ACYP2: variants seen among roughly 807,000 people sequenced by gnomAD.
ACYP2 encodes the protein acylphosphatase 2, also known as acylphosphatase-2.
Under a neutral mutation model 11.2 loss-of-function variants are expected in ACYP2, and 12 were observed. The ratio of observed to expected loss-of-function variants is 1.08; its 90% CI spans 0.69 to 1.74. The LOEUF is 1.74. Among genes scored for constraint, ACYP2 ranks in the 40% most tolerant of loss-of-function variants. ACYP2 has a pLI of 0.00. For missense variants in ACYP2, 134 were observed against 101.9 expected (o/e 1.31, Z -1.35); for synonymous variants, 43 against 32.2 (o/e 1.33, Z -1.13).
intron 4 of ACYP2, among the ~76,000 whole-genome samples, chr2:54,096,117 G>A (rs1436057414): frequency 7.0e-6 from 1 of 143,812 alleles, no homozygotes; most frequent in African/African-American, 2.6e-5. Context: ...CTTCCCAGAC[G>A]GGGTGGCTGC....
At chr2:54,296,603 TC>T (rs1689533840) in intron 6 of ACYP2, among the ~76,000 whole-genome samples, 1 of 152,224 alleles carries the variant, frequency 6.6e-6, no homozygotes, top group African/African-American at 2.4e-5. Context: ...ATGATCCTCA[TC>T]AAACATATAA....
intron 6 of ACYP2, among the ~76,000 whole-genome samples, chr2:54,236,339 G>T (rs1157855755): frequency 6.6e-6 from 1 of 152,074 alleles, no homozygotes; most frequent in Non-Finnish European, 1.5e-5. Flanking sequence ...ATATGAATTT[G>T]GGGGCCATAA....
intron 6 of ACYP2, among the ~76,000 whole-genome samples, chr2:54,257,996 C>T (rs1687629185): frequency 6.6e-6 from 1 of 152,160 alleles, no homozygotes; most frequent in Non-Finnish European, 1.5e-5. Flanking sequence ...AAACATTCAA[C>T]AAATATTTAT....
At chr2:54,172,714 A>G (rs1683269221) in intron 6 of ACYP2, among the ~76,000 whole-genome samples, 1 of 152,148 alleles carries the variant, frequency 6.6e-6, no homozygotes, top group Non-Finnish European at 1.5e-5. Flanking sequence ...ACCCACTGAC[A>G]GGCCCCTGTG....
chr2:54,028,996 A>T (rs1457120515), intron 2 of ACYP2, among the ~76,000 whole-genome samples: 1 of 152,136 alleles, frequency 6.6e-6, no homozygotes, highest in Non-Finnish European at 1.5e-5. Flanking sequence ...CATCTCTACA[A>T]AATATATATA....
At chr2:54,079,528 C>T (rs978732703) in intron 4 of ACYP2, among the ~76,000 whole-genome samples, 3 of 152,180 alleles carry the variant, frequency 2.0e-5, no homozygotes, top group Non-Finnish European at 4.4e-5. Context: ...TGCTACAGTT[C>T]CATGGAGGAA....
intron 6 of ACYP2, among the ~76,000 whole-genome samples, chr2:54,193,013 C>G (rs1684299915): frequency 6.6e-6 from 1 of 152,152 alleles, no homozygotes; most frequent in African/African-American, 2.4e-5. Context: ...CAGAGCCAAA[C>G]CATATCAGGC....
At chr2:54,170,570 T>G (rs867972901) in intron 6 of ACYP2, among the ~76,000 whole-genome samples, 1 of 130,970 alleles carries the variant, frequency 7.6e-6, no homozygotes, top group Admixed American at 7.5e-5. Context: ...AAACAGTTTT[T>G]TTTTTTTTTT....
chr2:54,119,696 A>G (rs912234978), intron 4 of ACYP2, among the ~76,000 whole-genome samples: 2 of 152,210 alleles, frequency 1.3e-5, no homozygotes, highest in Non-Finnish European at 2.9e-5. Flanking sequence ...ACCAAAAATG[A>G]TGTGTTGTTA....
intron 6 of ACYP2, among the ~76,000 whole-genome samples, chr2:54,241,114 C>G (rs767867230): frequency 1.6e-4 from 25 of 152,266 alleles, no homozygotes; most frequent in Middle Eastern, 3.4e-3. Context: ...AGCAAGGAGT[C>G]TCAGAGTAGA....
At chr2:54,271,031 A>G (rs1466248497) in intron 6 of ACYP2, among the ~76,000 whole-genome samples, 1 of 152,264 alleles carries the variant, frequency 6.6e-6, no homozygotes, top group Non-Finnish European at 1.5e-5. Context: ...CAGAGATGAT[A>G]AAAGTGAGAG....
intron 6 of ACYP2, among the ~76,000 whole-genome samples, chr2:54,276,709 C>T (rs1688608486): frequency 6.6e-6 from 1 of 150,488 alleles, no homozygotes; most frequent in Admixed American, 6.6e-5. Flanking sequence ...TTTCTCAAAC[C>T]CTTTCATAAT....
intron 6 of ACYP2, among the ~76,000 whole-genome samples, chr2:54,168,271 A>T (rs980650038): frequency 2.0e-5 from 3 of 151,992 alleles, no homozygotes; most frequent in Admixed American, 6.6e-5. Context: ...CTAAAAAAAT[A>T]AAAAAATCAC....
At position 54,033,293 on chromosome 2, in the gene ACYP2, G is replaced by C. The variant is rs201133816; in HGVS notation, c.63-17665G>C. ...GCTCACTGCAGCCTTGACCTCCCAG[G>C]CATGAGCTATCTTCCGACCTCACCC... On this transcript the variant is annotated intron_variant, in intron 2 of 6. Transcript: ENST00000607452. 2.6e-5 allele frequency among the ~76,000 whole-genome samples: 4 copies of C among 151,742 alleles called. No individual in the cohort carries two copies. The East Asian group carries it at 7.8e-4, about 29-fold the overall frequency.
intron 4 of ACYP2, among the ~76,000 whole-genome samples, chr2:54,133,286 G>T (rs924283457): frequency 6.6e-6 from 1 of 152,194 alleles, no homozygotes; most frequent in Non-Finnish European, 1.5e-5. Flanking sequence ...ATTCATACGT[G>T]TTGTTGCTTG....
At chr2:54,099,307 C>T (rs1404886757) in intron 4 of ACYP2, among the ~76,000 whole-genome samples, 5 of 152,178 alleles carry the variant, frequency 3.3e-5, no homozygotes, top group African/African-American at 9.6e-5. Context: ...AATCTACTCT[C>T]TTAGCAATTT....
intron 2 of ACYP2, among the ~76,000 whole-genome samples, chr2:53,997,588 G>C (rs1174220378): frequency 6.6e-6 from 1 of 152,086 alleles, no homozygotes; most frequent in Non-Finnish European, 1.5e-5. Context: ...CTATAGGTAT[G>C]AGCCACCGCA....
chr2:54,039,900 G>T (rs1481192660), intron 2 of ACYP2, among the ~76,000 whole-genome samples: 2 of 146,474 alleles, frequency 1.4e-5, no homozygotes, highest in African/African-American at 2.5e-5. Context: ...CTGTTGCCCA[G>T]GCTGGAGTGT....
At chr2:54,191,737 A>C (rs185518229) in intron 6 of ACYP2, among the ~76,000 whole-genome samples, 32 of 152,310 alleles carry the variant, frequency 2.1e-4, no homozygotes, top group African/African-American at 7.7e-4. Flanking sequence ...AGCTCTGCTC[A>C]AATGTCCCCT....
Sources: gnomAD v4.1 joint callset for allele counts (sites outside exome capture counted in the v4.1 genomes callset) on GRCh38, gnomAD v4.1.1 for gene constraint, MANE v1.5 for transcripts, NCBI Gene and HGNC (gene_info 2026-07-23, HGNC 2026-07-21) for gene names.